Variants in PKP1 observed in about 807,000 individuals in gnomAD.
PKP1 encodes plakophilin 1.
In PKP1, 27 loss-of-function variants were observed where a neutral mutation model predicts 76.4. The ratio of observed to expected loss-of-function variants is 0.35; its 90% CI spans 0.26 to 0.49. PKP1 has a LOEUF of 0.49. Among genes scored for constraint, PKP1 ranks in the 20% least tolerant of loss-of-function variants. The pLI, the probability that PKP1 is intolerant of heterozygous loss-of-function variation, is 0.99. For missense variants in PKP1, 964 were observed against 955.2 expected (o/e 1.01, Z -0.12); for synonymous variants, 404 against 384.2 (o/e 1.05, Z -0.60).
intron 2 of PKP1, among the ~76,000 whole-genome samples, chr1:201,308,060 C>T (rs2102168089): frequency 6.6e-6 from 1 of 152,352 alleles, no homozygotes; most frequent in South Asian, 2.1e-4. Context: ...ACCCAGCTCC[C>T]AAGGAGTCCA....
intron 3 of PKP1, chr1:201,316,326 G>T (rs889943555): frequency 1.1e-5 from 6 of 566,012 alleles, no homozygotes; most frequent in Non-Finnish European, 1.9e-5. Flanking sequence ...GTGACCAGGG[G>T]CTCACTATTC....
intron 2 of PKP1, among the ~76,000 whole-genome samples, chr1:201,304,832 C>G (rs1487235985): frequency 1.3e-5 from 2 of 152,194 alleles, no homozygotes; most frequent in Non-Finnish European, 2.9e-5. Flanking sequence ...TAGGGTCTGC[C>G]CCATCTTAGC....
At chr1:201,316,346 G>A (rs1008506828) in intron 3 of PKP1, 10 of 591,670 alleles carry the variant, frequency 1.7e-5, no homozygotes, top group African/African-American at 1.5e-4. Context: ...CTCACATGGG[G>A]CAAATCCAGT....
chr1:201,299,159 C>A (rs936676211), intron 2 of PKP1, among the ~76,000 whole-genome samples: 1 of 152,198 alleles, frequency 6.6e-6, no homozygotes, highest in African/African-American at 2.4e-5. Context: ...AGAGGCCATG[C>A]CCAGAGACAG....
rs377338146 is a variant in PKP1, at chr1:201,283,692, C to T, written c.-11C>T. The stretch of plus-strand genomic sequence containing the variant: ...TAGGCCCCGGCCGCGCGCCACCCGC[C>T]TCCCGCCACCATGAACCACTCGCCG... On this transcript the variant is annotated 5_prime_UTR_variant, in exon 1 of 14. Transcript: ENST00000367324. 7.4e-6 allele frequency: 12 copies of T among 1,612,170 alleles called. No homozygotes were observed. The highest frequency in any genetic ancestry group is 2.7e-5 in the African/African-American group (2 of 74,842).
intron 9 of PKP1, 69 bp from the exon 10 acceptor site, chr1:201,324,358 TG>T (rs1333643362): frequency 4.6e-6 from 7 of 1,515,096 alleles, no homozygotes; most frequent in Non-Finnish European, 6.4e-6. Flanking sequence ...TGGGGCTCCT[TG>T]CCCCTTTCTG....
Position 201,306,981 on chromosome 1 carries a change from A to G in PKP1, c.307-6185A>G, listed in dbSNP as rs536395066. On this transcript the variant is annotated intron_variant, in intron 2 of 13. Transcript: ENST00000367324. ...CACCGCACCTGGACTACATTTTTTTAACATTTAAAAAATTCAGGTGGCAAC... is the reference window on the plus strand; with the variant it reads ...CACCGCACCTGGACTACATTTTTTTGACATTTAAAAAATTCAGGTGGCAAC... Among the ~76,000 whole-genome samples, 4 of 152,270 alleles carry G rather than the reference A, an allele frequency of 2.6e-5. No individual in the cohort carries two copies. In the East Asian group the frequency reaches 5.8e-4, roughly 22 times the overall value.
In PKP1 at chr1:201,310,272, G is replaced by A. The variant is rs907122468; in HGVS notation, c.307-2894G>A. 2.6e-5 allele frequency among the ~76,000 whole-genome samples: 4 copies of A among 152,262 alleles called. No individual in the cohort carries two copies. The East Asian group carries it at 5.8e-4, about 22-fold the overall frequency. ...AGTGCTTTACTAACATTAGTTCACTGGATTCTCCCAACAATCCTCTATGTT... is the reference window on the plus strand; with the variant it reads ...AGTGCTTTACTAACATTAGTTCACTAGATTCTCCCAACAATCCTCTATGTT... On this transcript the variant is annotated intron_variant, in intron 2 of 13. Coordinates refer to ENST00000367324, the MANE Select transcript of PKP1 (RefSeq NM_001005337.3).
At position 201,326,576 on chromosome 1, in the gene PKP1, G is replaced by T. The variant is rs1657133122; in HGVS notation, c.2106+738G>T. On this transcript the variant is annotated intron_variant, in intron 12 of 13. Coordinates refer to ENST00000367324, the MANE Select transcript of PKP1 (RefSeq NM_001005337.3). The stretch of plus-strand genomic sequence containing the variant: ...TGGAGCTTTTAGCTTGGAGACTATG[G>T]TTATATTCATAAAGACACATCAGAT... Among the ~76,000 whole-genome samples the T allele has an allele frequency of 1.3e-5, 2 of 152,246 alleles. 1 individual carries two copies. Among genetic ancestry groups the T allele is most frequent in the South Asian group, 4.1e-4 (2 of 4,828 alleles).
At position 201,324,996 on chromosome 1, in the gene PKP1, C is replaced by T. The variant is rs1479541563; in HGVS notation, c.1890C>T (p.Thr630=). The stretch of plus-strand genomic sequence containing the variant: ...TCCTCACCAGCCACACTGGCAATAC[C>T]AGCAACTCCGAAGACATCTTGTCCT... The part of the protein sequence containing the change: ...TRLLTSHTGN[T]SNSEDILSSA... Residue 630 remains threonine, a synonymous_variant, in exon 11 of 14, where the codon ACC becomes ACT. Coordinates refer to ENST00000367324, the MANE Select transcript of PKP1 (RefSeq NM_001005337.3). 1 of 1,613,896 alleles carries T rather than the reference C, an allele frequency of 6.2e-7. No individual in the cohort carries two copies. Among genetic ancestry groups the T allele is most frequent in the Admixed American group, 1.7e-5 (1 of 60,030 alleles).
chr1:201,290,826 G>A (rs954643557), intron 1 of PKP1, among the ~76,000 whole-genome samples: 6 of 152,162 alleles, frequency 3.9e-5, no homozygotes, highest in African/African-American at 7.2e-5. Context: ...AGACTTGTAC[G>A]GGCGTGAGAT....
intron 3 of PKP1, among the ~76,000 whole-genome samples, chr1:201,314,973 A>G (rs558195533): frequency 1.3e-5 from 2 of 152,386 alleles, no homozygotes; most frequent in East Asian, 3.9e-4. Flanking sequence ...GTCCAAGGCC[A>G]CACAGCTGGC....
chr1:201,308,908 T>C (rs1571550935), intron 2 of PKP1, among the ~76,000 whole-genome samples: 4 of 151,854 alleles, frequency 2.6e-5, no homozygotes, highest in African/African-American at 9.7e-5. Context: ...GGCCTGGTGG[T>C]AAGCTGATGG....
Position 201,318,522 on chromosome 1 carries a change from G to A in PKP1, c.1055-96G>A, listed in dbSNP as rs573513736. The stretch of plus-strand genomic sequence containing the variant: ...CTACCTGGAAAGCGACATTTCAGTA[G>A]GGCCCATTTGCCAGAGTCCAGGCTG... On this transcript the variant is annotated intron_variant, in intron 5 of 13. Coordinates refer to ENST00000367324, the MANE Select transcript of PKP1 (RefSeq NM_001005337.3). The A allele has an allele frequency of 1.9e-3, 1,940 of 1,026,424 alleles. 6 individuals are homozygous for A. Among genetic ancestry groups the A allele is most frequent in the Admixed American group, 3.0e-3 (169 of 57,068 alleles). 63.6% of individuals were successfully genotyped at this position (1,026,424 alleles called of 1,614,324 possible).
At chr1:201,320,980 GA>G (rs1426341987) in intron 7 of PKP1, among the ~76,000 whole-genome samples, 1 of 152,124 alleles carries the variant, frequency 6.6e-6, no homozygotes, top group Non-Finnish European at 1.5e-5. Context: ...CAAACAGAAA[GA>G]AAAAAAGTTG....
intron 1 of PKP1, among the ~76,000 whole-genome samples, chr1:201,286,620 G>A (rs1655746742): frequency 6.6e-6 from 1 of 152,184 alleles, no homozygotes; most frequent in Non-Finnish European, 1.5e-5. Context: ...TGGTCATGAA[G>A]GCCCCGGGCA....
In PKP1 at chr1:201,320,460, A is replaced by G. The variant is rs1656905375; in HGVS notation, c.1347+79A>G. The G allele has an allele frequency of 4.5e-6, 4 of 883,182 alleles. No homozygotes were observed. In the East Asian group the frequency reaches 7.7e-5, roughly 17 times the overall value. The allele number at this position is 883,182 out of a possible 1,614,324, so 54.7% of individuals were successfully genotyped here. A position where few individuals can be genotyped will look rare whatever the true frequency, so the allele number is the denominator to read the frequency against. On this transcript the variant is annotated intron_variant, in intron 7 of 13. Coordinates refer to ENST00000367324, the MANE Select transcript of PKP1 (RefSeq NM_001005337.3). The stretch of plus-strand genomic sequence containing the variant: ...TCTGGGTGCCTTTGAGGCCTGGCCC[A>G]GTGACAAGACAGGAGCACAGACTCA...
chr1:201,329,727 A>G (rs2102190798), intron 13 of PKP1, among the ~76,000 whole-genome samples: 1 of 152,324 alleles, frequency 6.6e-6, no homozygotes, highest in South Asian at 2.1e-4. Context: ...GTCTGGATGA[A>G]GGTTAAATAA....
At chr1:201,286,366 G>C (rs1172741175) in intron 1 of PKP1, among the ~76,000 whole-genome samples, 1 of 152,162 alleles carries the variant, frequency 6.6e-6, no homozygotes, top group Non-Finnish European at 1.5e-5. Flanking sequence ...ATACCCCACA[G>C]GTTGCCTGGA....
Sources: allele counts gnomAD v4.1 joint callset (sites outside exome capture counted in the v4.1 genomes callset), GRCh38; gene constraint gnomAD v4.1.1; transcripts MANE v1.5; gene names NCBI Gene and HGNC (gene_info 2026-07-23, HGNC 2026-07-21).